The following ARHGAP15 variants were observed in gnomAD, a reference collection of about 807,000 sequenced individuals.
ARHGAP15 encodes rho GTPase-activating protein 15.
A neutral mutation model predicts 63.7 loss-of-function variants in ARHGAP15; 51 were observed. The observed-to-expected ratio is 0.80, with a 90% CI of 0.64 to 1.01. The LOEUF (loss-of-function observed/expected upper bound fraction) is 1.01, where lower values mean the gene tolerates loss of function less well. Among genes scored for constraint, ARHGAP15 ranks in the 50% least tolerant of loss-of-function variants. The pLI is 0.00. For missense variants in ARHGAP15, 560 were observed against 564.6 expected (o/e 0.99, Z 0.08); for synonymous variants, 191 against 193.8 (o/e 0.99, Z 0.12).
chr2:143,528,909 C>T (rs995954779), intron 10 of ARHGAP15, among the ~76,000 whole-genome samples: 6 of 152,158 alleles, frequency 3.9e-5, no homozygotes, highest in African/African-American at 2.4e-5. Flanking sequence ...GCATAAGAAA[C>T]ATTCATTTCC....
At chr2:143,275,729 C>A (rs895521850) in intron 6 of ARHGAP15, among the ~76,000 whole-genome samples, 3 of 152,146 alleles carry the variant, frequency 2.0e-5, no homozygotes, top group Admixed American at 2.0e-4. Flanking sequence ...GTTCCCTGGA[C>A]CCGGTAGTCC....
chr2:143,312,478 AAAG>A (rs1194205310), intron 6 of ARHGAP15, among the ~76,000 whole-genome samples: 7 of 150,890 alleles, frequency 4.6e-5, no homozygotes, highest in African/African-American at 9.9e-5. Context: ...TCAAAGATAA[AAAG>A]AAAAAAAAAG....
In ARHGAP15 at chr2:143,135,732, T is replaced by C. The variant is rs571951835; in HGVS notation, c.-15+6266T>C. ...CTTCTGGAATACTTTTTTCTTCCAG[T>C]TTTCCTCCAAACTACCTGAATGCTC... On this transcript the variant is annotated intron_variant, in intron 1 of 13. Coordinates refer to ENST00000295095, the MANE Select transcript of ARHGAP15 (RefSeq NM_018460.4). 1.1e-4 allele frequency among the ~76,000 whole-genome samples: 16 copies of C among 152,260 alleles called. No homozygotes were observed. The East Asian group carries it at 2.9e-3, about 28-fold the overall frequency.
chr2:143,469,965 T>C (rs528213847), intron 8 of ARHGAP15, among the ~76,000 whole-genome samples: 54 of 151,246 alleles, frequency 3.6e-4, no homozygotes, highest in East Asian at 1.6e-3. Context: ...CTCTTTTTTT[T>C]TCTCTCTCTC....
intron 4 of ARHGAP15, among the ~76,000 whole-genome samples, chr2:143,220,374 A>T (rs1692941148): frequency 6.6e-6 from 1 of 152,056 alleles, no homozygotes. Flanking sequence ...AGGCCCAGCT[A>T]TTATTTTGTA....
chr2:143,725,943 T>G (rs984432425), intron 13 of ARHGAP15, among the ~76,000 whole-genome samples: 8 of 152,248 alleles, frequency 5.3e-5, no homozygotes, highest in Non-Finnish European at 1.2e-4. Context: ...CTATATGGCT[T>G]GTAAAAGTTT....
chr2:143,402,320 A>C (rs1381871098), intron 6 of ARHGAP15, among the ~76,000 whole-genome samples: 1 of 151,954 alleles, frequency 6.6e-6, no homozygotes, highest in Non-Finnish European at 1.5e-5. Context: ...CAGTCAGGCC[A>C]TGTAGGATTA....
At chr2:143,302,964 T>G (rs2105159179) in intron 6 of ARHGAP15, among the ~76,000 whole-genome samples, 1 of 152,188 alleles carries the variant, frequency 6.6e-6, no homozygotes, top group South Asian at 2.1e-4. Context: ...AGAATCACTT[T>G]CTAATCCCTG....
chr2:143,648,790 C>T (rs1681020816), intron 12 of ARHGAP15: 1 of 151,970 alleles, frequency 6.6e-6, no homozygotes, highest in East Asian at 1.9e-4. Flanking sequence ...TTCATATAAT[C>T]ACAGTTTTTC....
At chr2:143,231,055 A>G (rs1558828952) in intron 5 of ARHGAP15, among the ~76,000 whole-genome samples, 1 of 140,630 alleles carries the variant, frequency 7.1e-6, no homozygotes, top group Non-Finnish European at 1.6e-5. Flanking sequence ...GTTGGACTCT[A>G]GGGGATGTAA....
At chr2:143,342,766 A>G (rs1424913077) in intron 6 of ARHGAP15, among the ~76,000 whole-genome samples, 1 of 152,054 alleles carries the variant, frequency 6.6e-6, no homozygotes, top group South Asian at 2.1e-4. Context: ...CATCATACAT[A>G]TAAGACCCAT....
chr2:143,524,137 A>G (rs1027162956), intron 10 of ARHGAP15, among the ~76,000 whole-genome samples: 10 of 152,170 alleles, frequency 6.6e-5, no homozygotes, highest in African/African-American at 2.4e-4. Flanking sequence ...TTTAAGAAAG[A>G]CCTTTAGTCT....
intron 10 of ARHGAP15, among the ~76,000 whole-genome samples, chr2:143,527,479 G>GA (rs34254411): frequency 0.37 from 54,128 of 147,526 alleles, 10,226 homozygotes; most frequent in Middle Eastern, 0.46. Context: ...TTTTGGTTCA[G>GA]AAAAAAAAAA....
intron 6 of ARHGAP15, among the ~76,000 whole-genome samples, chr2:143,393,979 A>G (rs959416185): frequency 2.0e-5 from 3 of 152,152 alleles, no homozygotes; most frequent in African/African-American, 7.2e-5. Context: ...CAACAGGGCC[A>G]TGTCCATCCT....
At chr2:143,395,192 T>C (rs1169280812) in intron 6 of ARHGAP15, among the ~76,000 whole-genome samples, 2 of 152,146 alleles carry the variant, frequency 1.3e-5, no homozygotes, top group East Asian at 3.8e-4. Context: ...TATATAAGAA[T>C]ATCAAAGAGG....
chr2:143,626,297 A>G (rs1006528936), intron 12 of ARHGAP15, among the ~76,000 whole-genome samples: 5 of 151,552 alleles, frequency 3.3e-5, no homozygotes, highest in African/African-American at 1.2e-4. Flanking sequence ...GCTTTGTTTG[A>G]TAATGTAATT....
chr2:143,695,415 G>C (rs1683798325), intron 12 of ARHGAP15, among the ~76,000 whole-genome samples: 1 of 152,142 alleles, frequency 6.6e-6, no homozygotes, highest in African/African-American at 2.4e-5. Flanking sequence ...ATTGCTGCTG[G>C]AGTGTCAGCC....
rs917378120 is a variant in ARHGAP15 at position 143,403,011 on chromosome 2, A to G, written c.475-32590A>G. Among the ~76,000 whole-genome samples the G allele has an allele frequency of 1.7e-4, 26 of 152,012 alleles. No homozygotes were observed. The East Asian group carries it at 4.8e-3, about 28-fold the overall frequency. On this transcript the variant is annotated intron_variant, in intron 6 of 13. Coordinates refer to ENST00000295095, the MANE Select transcript of ARHGAP15 (RefSeq NM_018460.4). ...CCTAGTTTCTCAAAGATTTAAAAGG[A>G]TTCAAGTAAAACCTTTAAAAGTAAT...
intron 2 of ARHGAP15, among the ~76,000 whole-genome samples, chr2:143,155,868 T>G (rs916515311): frequency 2.6e-5 from 4 of 151,928 alleles, no homozygotes; most frequent in African/African-American, 9.7e-5. Flanking sequence ...TAAAGTGGAT[T>G]TGGAGCTAGA....
Sources: allele counts gnomAD v4.1 joint callset (sites outside exome capture counted in the v4.1 genomes callset), GRCh38; gene constraint gnomAD v4.1.1; transcripts MANE v1.5; gene names NCBI Gene and HGNC (gene_info 2026-07-23, HGNC 2026-07-21).